FAM168A: variants seen among roughly 807,000 people sequenced by gnomAD.
The protein encoded by FAM168A is protein FAM168A.
Under a neutral mutation model 28.5 loss-of-function variants are expected in FAM168A, and 3 were observed. The observed-to-expected ratio is 0.11, with a 90% CI of 0.05 to 0.27. The LOEUF (loss-of-function observed/expected upper bound fraction) is 0.27, where lower values mean the gene tolerates loss of function less well. FAM168A is among the 10% of genes least tolerant of loss of function. The probability of loss-of-function intolerance (pLI) is 1.00; values close to 1 mark genes in which losing one functional copy is unlikely to be tolerated. For synonymous variants in FAM168A, 122 were observed against 124.2 expected (o/e 0.98, Z 0.12); for missense variants, 222 against 311.5 (o/e 0.71, Z 2.16).
intron 1 of FAM168A, among the ~76,000 whole-genome samples, chr11:73,531,802 CTTTTT>C (rs35314829): frequency 1.6e-5 from 2 of 121,822 alleles, no homozygotes. Context: ...CCAAGTATCA[CTTTTT>C]TTTTTTTTTT....
chr11:73,421,075 G>GGC (rs139469410), intron 3 of FAM168A, among the ~76,000 whole-genome samples: 4,394 of 151,244 alleles, frequency 0.029, 219 homozygotes, highest in African/African-American at 0.1. Flanking sequence ...AAGTCTTGGG[G>GGC]GGGGGGTCAT....
At chr11:73,415,433 T>A (rs946852309) in intron 4 of FAM168A, among the ~76,000 whole-genome samples, 1 of 152,238 alleles carries the variant, frequency 6.6e-6, no homozygotes, top group East Asian at 1.9e-4. Context: ...AGGATCTTCA[T>A]GAGGCTGGAG....
intron 1 of FAM168A, among the ~76,000 whole-genome samples, chr11:73,575,307 G>T (rs1565305132): frequency 6.6e-6 from 1 of 152,116 alleles, no homozygotes; most frequent in East Asian, 1.9e-4. Context: ...ATGACAGGAA[G>T]AACAATCAGA....
At chr11:73,585,964 A>G (rs1027739625) in intron 1 of FAM168A, among the ~76,000 whole-genome samples, 1 of 151,932 alleles carries the variant, frequency 6.6e-6, no homozygotes, top group African/African-American at 2.4e-5. Flanking sequence ...GCATTACTCT[A>G]TACTTTGTAG....
At chr11:73,416,091 T>A (rs541137144) in intron 4 of FAM168A, among the ~76,000 whole-genome samples, 4 of 152,284 alleles carry the variant, frequency 2.6e-5, no homozygotes, top group African/African-American at 9.6e-5. Context: ...GTTGTCCCCA[T>A]TTCACTAAAG....
intron 1 of FAM168A, among the ~76,000 whole-genome samples, chr11:73,527,477 A>G (rs1376097073): frequency 6.6e-6 from 1 of 152,226 alleles, no homozygotes; most frequent in Non-Finnish European, 1.5e-5. Flanking sequence ...CAAACATGCC[A>G]GTAGACATTT....
intron 2 of FAM168A, among the ~76,000 whole-genome samples, chr11:73,439,676 A>G (rs767160711): frequency 5.9e-5 from 9 of 152,082 alleles, no homozygotes; most frequent in African/African-American, 1.9e-4. Flanking sequence ...CAGATGGCCT[A>G]TTCTCTCAAT....
chr11:73,454,492 C>A (rs1392888541), intron 2 of FAM168A, among the ~76,000 whole-genome samples: 2 of 152,198 alleles, frequency 1.3e-5, no homozygotes, highest in South Asian at 2.1e-4. Flanking sequence ...TTTCCTGACA[C>A]CAACCTCTTG....
At chr11:73,435,412 C>A (rs920275501) in intron 2 of FAM168A, among the ~76,000 whole-genome samples, 4 of 152,202 alleles carry the variant, frequency 2.6e-5, no homozygotes, top group African/African-American at 4.8e-5. Context: ...ACTTTAGGGG[C>A]AATTATAGGA....
intron 1 of FAM168A, among the ~76,000 whole-genome samples, chr11:73,484,915 C>T (rs906648888): frequency 1.1e-4 from 17 of 151,630 alleles, no homozygotes; most frequent in African/African-American, 3.9e-4. Context: ...AAGATGTAGC[C>T]GGGGTAAGTC....
chr11:73,461,407 G>C (rs184497163), intron 2 of FAM168A, among the ~76,000 whole-genome samples: 1 of 152,102 alleles, frequency 6.6e-6, no homozygotes, highest in Non-Finnish European at 1.5e-5. Context: ...TATGAGCCAC[G>C]GCACATGGCC....
intron 3 of FAM168A, among the ~76,000 whole-genome samples, chr11:73,428,985 A>AT: frequency 6.6e-6 from 1 of 152,304 alleles, no homozygotes; most frequent in East Asian, 1.9e-4. Flanking sequence ...GCCTATTTAC[A>AT]TAAAATAGCT....
At chr11:73,515,561 G>T (rs1292025544) in intron 1 of FAM168A, among the ~76,000 whole-genome samples, 1 of 144,992 alleles carries the variant, frequency 6.9e-6, no homozygotes, top group Non-Finnish European at 1.5e-5. Context: ...AATTTTAAAA[G>T]GAAAAGAAAA....
chr11:73,443,419 T>C (rs917378803), intron 2 of FAM168A, among the ~76,000 whole-genome samples: 2 of 152,150 alleles, frequency 1.3e-5, no homozygotes, highest in Admixed American at 6.5e-5. Flanking sequence ...AACCCTGATA[T>C]TAGGCTGCCA....
At position 73,408,780 on chromosome 11, in the gene FAM168A, CA is replaced by C. The variant is rs61669430; in HGVS notation, c.595+706del. 7.0e-3 allele frequency among the ~76,000 whole-genome samples: 684 copies of C among 97,364 alleles called. 4 individuals are homozygous for C. The highest frequency in any genetic ancestry group is 0.015 in the African/African-American group (377 of 25,368). 63.9% of individuals were successfully genotyped at this position (97,364 alleles called of 152,430 possible). On this transcript the variant is annotated intron_variant, in intron 6 of 7. Transcript: ENST00000356467. ...TGGGTGACAAAGCAAGACCCTGTCT[CA>C]AAAAAAAAAAAAAAAAACCTAACAG...
chr11:73,470,568 G>A (rs11235767), intron 1 of FAM168A, among the ~76,000 whole-genome samples: 6 of 152,154 alleles, frequency 3.9e-5, no homozygotes, highest in Non-Finnish European at 8.8e-5. Context: ...CATGGTGGGC[G>A]TGGGTTCCTC....
At chr11:73,573,034 C>A (rs575378069) in intron 1 of FAM168A, among the ~76,000 whole-genome samples, 1 of 152,050 alleles carries the variant, frequency 6.6e-6, no homozygotes, top group Non-Finnish European at 1.5e-5. Flanking sequence ...AGCATTCTAG[C>A]CGGTGGAAGC....
At chr11:73,451,269 G>T (rs1203947327) in intron 2 of FAM168A, among the ~76,000 whole-genome samples, 2 of 152,196 alleles carry the variant, frequency 1.3e-5, no homozygotes, top group African/African-American at 4.8e-5. Context: ...GAAAGCACTG[G>T]CTTAGAGCTA....
At chr11:73,428,086 T>C (rs1268194542) in intron 3 of FAM168A, among the ~76,000 whole-genome samples, 15 of 152,156 alleles carry the variant, frequency 9.9e-5, no homozygotes, top group Non-Finnish European at 2.9e-5. Flanking sequence ...GACCTTTCCT[T>C]TAGTCTTTCC....
Sources: allele counts gnomAD v4.1 joint callset (sites outside exome capture counted in the v4.1 genomes callset), GRCh38; gene constraint gnomAD v4.1.1; transcripts MANE v1.5; gene names NCBI Gene and HGNC (gene_info 2026-07-23, HGNC 2026-07-21).